ADAM22: variants seen among roughly 807,000 people sequenced by gnomAD.
The protein encoded by ADAM22 is disintegrin and metalloproteinase domain-containing protein 22.
ADAM22 carries 65 observed loss-of-function variants against 144.6 expected under a neutral mutation model. The observed-to-expected ratio is 0.45, with a 90% CI of 0.37 to 0.55. The LOEUF is 0.55. ADAM22 is among the 20% of genes least tolerant of loss of function. ADAM22 has a pLI of 0.00. For synonymous variants in ADAM22, 391 were observed against 412.6 expected (o/e 0.95, Z 0.63); for missense variants, 974 against 1,184.9 (o/e 0.82, Z 2.61).
chr7:88,160,738 G>T (rs187752066), intron 22 of ADAM22, among the ~76,000 whole-genome samples: 99 of 152,276 alleles, frequency 6.5e-4, no homozygotes, highest in African/African-American at 2.2e-3. Flanking sequence ...ATGATAGACT[G>T]GATTAAGAAA....
intron 3 of ADAM22, among the ~76,000 whole-genome samples, chr7:87,999,900 A>G (rs1792123229): frequency 6.6e-6 from 1 of 152,090 alleles, no homozygotes; most frequent in Non-Finnish European, 1.5e-5. Flanking sequence ...ACTTGAGACC[A>G]GGAGCTCCAG....
chr7:88,053,231 C>T (rs1156609331), intron 3 of ADAM22, among the ~76,000 whole-genome samples: 2 of 152,084 alleles, frequency 1.3e-5, no homozygotes, highest in East Asian at 3.9e-4. Context: ...TAGGTACATC[C>T]TACTGATATC....
In ADAM22 at chr7:88,163,164, T is replaced by A; in HGVS notation, c.2060T>A (p.Ile687Asn). Residue 687 changes from isoleucine to asparagine, a missense_variant, in exon 23 of 32, where the codon ATT becomes AAT. Ile to Asn is a moderately radical substitution (Grantham distance 149). Around this residue, in one of 2 missense-constraint regions of ADAM22, gnomAD observed 734 missense variants for 950.6 expected, o/e 0.77. Transcript: ENST00000413139. ...STCLSSKEGT[I>N]CSGNGVCSNE... ...TGCTTGAGCAGTAAAGAAGGCACTATTTGCTCAGGAAATGGAGTAAGTATC... is the reference window on the plus strand; with the variant it reads ...TGCTTGAGCAGTAAAGAAGGCACTAATTGCTCAGGAAATGGAGTAAGTATC... 6.2e-7 allele frequency: 1 copy of A among 1,606,054 alleles called. No homozygotes were observed.
Position 88,116,812 on chromosome 7 carries a change from C to T in ADAM22, c.605C>T (p.Ser202Phe), listed in dbSNP as rs747325877. 5.0e-6 allele frequency: 8 copies of T among 1,608,890 alleles called. No homozygotes were observed. Among genetic ancestry groups the T allele is most frequent in the African/African-American group, 1.3e-5 (1 of 74,896 alleles). The change falls in exon 7 of 32, where the codon TCT becomes TTT. Residue 202 changes from serine to phenylalanine, a missense_variant and splice_region_variant. Coordinates refer to ENST00000413139, the MANE Select transcript of ADAM22 (RefSeq NM_001324418.2). ...LFEFSLDDLPSEFQQVNITPS... is the reference protein window; with the variant it reads ...LFEFSLDDLPFEFQQVNITPS... Reference sequence around the variant, plus strand: ...GAATTTTCCTTGGATGATCTTCCATCTGGTATGATGTTCATATAGTGACTT... The same window carrying T: ...GAATTTTCCTTGGATGATCTTCCATTTGGTATGATGTTCATATAGTGACTT...
At chr7:87,974,259 G>A (rs555596013) in intron 2 of ADAM22, among the ~76,000 whole-genome samples, 33 of 149,092 alleles carry the variant, frequency 2.2e-4, no homozygotes, top group African/African-American at 6.4e-4. Flanking sequence ...AGCCGAGATC[G>A]TGCCACTGCC....
intron 27 of ADAM22, among the ~76,000 whole-genome samples, chr7:88,179,526 G>A (rs1274137966): frequency 6.6e-6 from 1 of 151,996 alleles, no homozygotes; most frequent in African/African-American, 2.4e-5. Flanking sequence ...TTGCTTCTCT[G>A]TGAATCATAT....
At chr7:87,973,855 G>A (rs370000361) in intron 2 of ADAM22, among the ~76,000 whole-genome samples, 5 of 151,786 alleles carry the variant, frequency 3.3e-5, no homozygotes, top group Non-Finnish European at 7.4e-5. Flanking sequence ...ACCAAACACC[G>A]CATATTCTCA....
chr7:88,071,210 A>G (rs1282973062), intron 3 of ADAM22, among the ~76,000 whole-genome samples: 1 of 152,120 alleles, frequency 6.6e-6, no homozygotes, highest in Non-Finnish European at 1.5e-5. Flanking sequence ...CAAGAAGGTG[A>G]GGAGAGTGAA....
intron 4 of ADAM22, among the ~76,000 whole-genome samples, chr7:88,105,527 A>T (rs1250621420): frequency 6.6e-6 from 1 of 152,238 alleles, no homozygotes; most frequent in African/African-American, 2.4e-5. Flanking sequence ...CCAGTCCAAC[A>T]GCCCAACACA....
At chr7:88,043,104 T>C (rs1016753034) in intron 3 of ADAM22, among the ~76,000 whole-genome samples, 1 of 151,936 alleles carries the variant, frequency 6.6e-6, no homozygotes, top group African/African-American at 2.4e-5. Flanking sequence ...TCAAACAATA[T>C]TGCTGTTTCT....
intron 14 of ADAM22, among the ~76,000 whole-genome samples, chr7:88,140,479 A>G (rs1314213266): frequency 1.3e-5 from 2 of 152,204 alleles, no homozygotes; most frequent in Admixed American, 1.3e-4. Flanking sequence ...TTTCAAATGA[A>G]GAATAAAGTT....
rs966929970 is a variant in ADAM22 at position 88,162,910 on chromosome 7, T to C, written c.1908-102T>C. On this transcript the variant is annotated intron_variant, in intron 22 of 31. Coordinates refer to ENST00000413139, the MANE Select transcript of ADAM22 (RefSeq NM_001324418.2). Reference sequence around the variant, plus strand: ...CTACTGGTCTTTAATAAGTAATAAATAGAATAGAGGAAGCAATATTGCCTG... The same window carrying C: ...CTACTGGTCTTTAATAAGTAATAAACAGAATAGAGGAAGCAATATTGCCTG... The C allele has an allele frequency of 5.7e-6, 7 of 1,237,628 alleles. No individual in the cohort carries two copies. In the African/African-American group the frequency reaches 7.7e-5, roughly 14 times the overall value. 76.7% of individuals were successfully genotyped at this position (1,237,628 alleles called of 1,614,324 possible). A position where few individuals can be genotyped will look rare whatever the true frequency, so the allele number is the denominator to read the frequency against.
chr7:87,971,133 T>A (rs943174474), intron 2 of ADAM22, among the ~76,000 whole-genome samples: 7 of 152,212 alleles, frequency 4.6e-5, no homozygotes, highest in Non-Finnish European at 7.4e-5. Flanking sequence ...TTAGGACATG[T>A]GCTGTGTGTC....
At chr7:88,082,715 C>G (rs1237560038) in intron 4 of ADAM22, among the ~76,000 whole-genome samples, 1 of 152,254 alleles carries the variant, frequency 6.6e-6, no homozygotes, top group African/African-American at 2.4e-5. Flanking sequence ...GACATTTATG[C>G]AGCCAAAAAA....
intron 11 of ADAM22, chr7:88,132,641 A>G: frequency 5.2e-6 from 2 of 387,416 alleles, no homozygotes; most frequent in Non-Finnish European, 9.5e-6. Flanking sequence ...TTTTTAATAG[A>G]TATACTTCAA....
At chr7:87,986,627 C>T (rs887367748) in intron 3 of ADAM22, among the ~76,000 whole-genome samples, 5 of 152,096 alleles carry the variant, frequency 3.3e-5, no homozygotes, top group Admixed American at 6.5e-5. Context: ...AGGATATATC[C>T]GAGCTTACTA....
chr7:88,050,484 C>CAA (rs111631002), intron 3 of ADAM22, among the ~76,000 whole-genome samples: 3,993 of 117,092 alleles, frequency 0.034, 94 homozygotes, highest in South Asian at 0.044. Context: ...CAGGATAACT[C>CAA]AAAAAAAAAA....
At chr7:88,087,175 G>A (rs753248007) in intron 4 of ADAM22, among the ~76,000 whole-genome samples, 17 of 151,934 alleles carry the variant, frequency 1.1e-4, no homozygotes, top group Non-Finnish European at 2.2e-4. Flanking sequence ...CCATACATTC[G>A]GTGTACATTC....
rs189574032 is a variant in ADAM22, at chr7:87,946,141, G to A, written c.246+10955G>A. Among the ~76,000 whole-genome samples the A allele has an allele frequency of 2.2e-4, 33 of 152,154 alleles. No individual in the cohort carries two copies. The South Asian group carries it at 3.5e-3, about 16-fold the overall frequency. ...TTTCTCTGATGATTAGTGATGTTGA[G>A]CATTTTTTTTACTTGTTTGTTGGCT... is the stretch of plus-strand genomic sequence containing the variant. On this transcript the variant is annotated intron_variant, in intron 2 of 31. Coordinates refer to ENST00000413139, the MANE Select transcript of ADAM22 (RefSeq NM_001324418.2).
Sources: allele counts gnomAD v4.1 joint callset (sites outside exome capture counted in the v4.1 genomes callset), GRCh38; gene constraint gnomAD v4.1.1; regional missense constraint gnomAD v4.1.1; transcripts MANE v1.5; gene names NCBI Gene and HGNC (gene_info 2026-07-23, HGNC 2026-07-21).